The following RNF4 variants were observed in gnomAD, a reference collection of about 807,000 sequenced individuals.
RNF4 encodes the protein ring finger protein 4.
In RNF4, 7 loss-of-function variants were observed where a neutral mutation model predicts 24.3. The ratio of observed to expected loss-of-function variants is 0.29; its 90% CI spans 0.16 to 0.54. The LOEUF (loss-of-function observed/expected upper bound fraction) is 0.54, where lower values mean the gene tolerates loss of function less well. Ranked by LOEUF, RNF4 falls within the 20% of genes least tolerant of loss-of-function variation. RNF4 has a pLI of 0.95. For missense variants in RNF4, 209 were observed against 248.5 expected (o/e 0.84, Z 1.07); for synonymous variants, 83 against 84.3 (o/e 0.98, Z 0.09).
At position 2,500,703 on chromosome 4, in the gene RNF4, G is replaced by C; in HGVS notation, c.169G>C (p.Val57Leu). The C allele has an allele frequency of 6.2e-7, 1 of 1,613,916 alleles. No homozygotes were observed. The highest frequency in any genetic ancestry group is 8.5e-7 in the Non-Finnish European group (1 of 1,179,840). ...CCTCACTTGTGAATCTTTAGAGCCT[G>C]TGGTGGTTGATCTGACTCACAATGA... is the stretch of plus-strand genomic sequence containing the variant. ...VDLTCESLEPVVVDLTHNDSV... is the reference protein window; with the variant it reads ...VDLTCESLEPLVVDLTHNDSV... Residue 57 changes from valine to leucine, a missense_variant, in exon 4 of 8, where the codon GTG (valine) becomes CTG (leucine). Coordinates refer to ENST00000314289, the MANE Select transcript of RNF4 (RefSeq NM_002938.5).
intron 1 of RNF4, among the ~76,000 whole-genome samples, chr4:2,478,670 A>G (rs867408152): frequency 7.9e-5 from 12 of 152,376 alleles, no homozygotes; most frequent in Middle Eastern, 3.4e-3. Context: ...GAAGTCAACA[A>G]TGAGGGTTTG....
intron 2 of RNF4, among the ~76,000 whole-genome samples, chr4:2,491,899 A>T (rs1015457306): frequency 1.3e-5 from 2 of 151,232 alleles, no homozygotes; most frequent in African/African-American, 2.4e-5. Context: ...GCACCTGGCC[A>T]ATTTTTAAGA....
chr4:2,476,268 G>T (rs1362091816), intron 1 of RNF4, among the ~76,000 whole-genome samples: 1 of 152,150 alleles, frequency 6.6e-6, no homozygotes, highest in Non-Finnish European at 1.5e-5. Flanking sequence ...TGCTTCCCTT[G>T]TAAGTACCTT....
chr4:2,501,439 C>T (rs1735908079), intron 4 of RNF4, among the ~76,000 whole-genome samples: 1 of 150,126 alleles, frequency 6.7e-6, no homozygotes, highest in African/African-American at 2.5e-5. Flanking sequence ...CAGGAGGCTG[C>T]CTGTGTCCCT....
intron 1 of RNF4, among the ~76,000 whole-genome samples, chr4:2,475,064 A>G (rs1052658378): frequency 1.6e-4 from 24 of 152,144 alleles, no homozygotes; most frequent in African/African-American, 4.8e-4. Flanking sequence ...AGCTGCCCCA[A>G]CCTTCATTAG....
chr4:2,495,293 G>T (rs938701899), intron 2 of RNF4, among the ~76,000 whole-genome samples: 1 of 152,198 alleles, frequency 6.6e-6, no homozygotes, highest in Non-Finnish European at 1.5e-5. Flanking sequence ...GTTGCCTAGC[G>T]AGGGCTTGGC....
chr4:2,476,884 T>G (rs1423747887), intron 1 of RNF4, among the ~76,000 whole-genome samples: 1 of 151,476 alleles, frequency 6.6e-6, no homozygotes, highest in Non-Finnish European at 1.5e-5. Flanking sequence ...TGGGTTCAAG[T>G]GATTCACCTG....
At chr4:2,506,408 C>T (rs1252144363) in intron 4 of RNF4, 1 of 152,184 alleles carries the variant, frequency 6.6e-6, no homozygotes, top group East Asian at 1.9e-4. Context: ...TCTTGAACTC[C>T]TGGCCTCAAG....
chr4:2,486,041 G>T (rs572455771), intron 1 of RNF4, among the ~76,000 whole-genome samples: 8 of 152,288 alleles, frequency 5.3e-5, no homozygotes, highest in African/African-American at 1.9e-4. Flanking sequence ...GTGGGTCTTG[G>T]TATCAGACTG....
chr4:2,469,957 A>C (rs1304645798), intron 1 of RNF4: 1 of 152,324 alleles, frequency 6.6e-6, no homozygotes, highest in Admixed American at 6.5e-5. Flanking sequence ...CACGACCCGA[A>C]ACAGAGTTGC....
chr4:2,495,659 A>G, intron 2 of RNF4, among the ~76,000 whole-genome samples: 1 of 147,182 alleles, frequency 6.8e-6, no homozygotes, highest in African/African-American at 2.5e-5. Context: ...TGAGATGGAG[A>G]TTTACTCTTG....
intron 2 of RNF4, among the ~76,000 whole-genome samples, chr4:2,493,284 G>C (rs1056452508): frequency 6.6e-6 from 1 of 152,048 alleles, no homozygotes; most frequent in Admixed American, 6.6e-5. Context: ...AGAAGCTCTG[G>C]TTAAAGGCAT....
At chr4:2,500,918 A>G (rs916117508) in intron 4 of RNF4, among the ~76,000 whole-genome samples, 180 bp downstream of exon 4, 2 of 152,238 alleles carry the variant, frequency 1.3e-5, no homozygotes, top group Non-Finnish European at 2.9e-5. Flanking sequence ...AATAATAACA[A>G]AGAAGTTCAT....
chr4:2,486,089 A>G (rs1021256952), intron 1 of RNF4, among the ~76,000 whole-genome samples: 47 of 152,278 alleles, frequency 3.1e-4, no homozygotes, highest in African/African-American at 1.1e-3. Flanking sequence ...CTAGGTGTGG[A>G]TGACTTTGGG....
Position 2,507,084 on chromosome 4 carries a change from C to T in RNF4, c.205-4872C>T, listed in dbSNP as rs914614237. On this transcript the variant is annotated intron_variant, in intron 4 of 7. Transcript: ENST00000314289. ...TCTGGAATCTTTTTTTGGTCTGTTT[C>T]TATAATGTATGAATAAGTCACACTA... is the stretch of plus-strand genomic sequence containing the variant. 2.0e-5 allele frequency among the ~76,000 whole-genome samples: 3 copies of T among 152,018 alleles called. No individual in the cohort carries two copies. In the South Asian group the frequency reaches 6.2e-4, roughly 31 times the overall value.
At chr4:2,487,727 T>G (rs1735454078) in intron 1 of RNF4, among the ~76,000 whole-genome samples, 1 of 152,232 alleles carries the variant, frequency 6.6e-6, no homozygotes, top group Non-Finnish European at 1.5e-5. Flanking sequence ...CTGCCCCATT[T>G]GTGCATTCTG....
rs531289451 is a variant in RNF4, at chr4:2,481,707, G to A, written c.-157-8630G>A. ...CCAGTGATTTTTTTGACTTGCATGT[G>A]TGTTTTTGTGTTTTTTTAAAGACAG... is the stretch of plus-strand genomic sequence containing the variant. On this transcript the variant is annotated intron_variant, in intron 1 of 7. Coordinates refer to ENST00000314289, the MANE Select transcript of RNF4 (RefSeq NM_002938.5). 8.4e-4 allele frequency among the ~76,000 whole-genome samples: 127 copies of A among 152,030 alleles called. 2 individuals carry two copies. The South Asian group carries it at 0.023, about 28-fold the overall frequency.
At chr4:2,494,174 A>T (rs1735665966) in intron 2 of RNF4, among the ~76,000 whole-genome samples, 1 of 151,850 alleles carries the variant, frequency 6.6e-6, no homozygotes, top group Non-Finnish European at 1.5e-5. Flanking sequence ...CGTAAATTCA[A>T]TTTTTTTTAG....
intron 1 of RNF4, among the ~76,000 whole-genome samples, chr4:2,486,291 C>T (rs1226182771): frequency 6.6e-6 from 1 of 152,210 alleles, no homozygotes; most frequent in African/African-American, 2.4e-5. Flanking sequence ...GGACTCTCAC[C>T]TGCATGATCC....
Sources: gnomAD v4.1 joint callset for allele counts (sites outside exome capture counted in the v4.1 genomes callset) on GRCh38, gnomAD v4.1.1 for gene constraint, MANE v1.5 for transcripts, NCBI Gene and HGNC (gene_info 2026-07-23, HGNC 2026-07-21) for gene names.